The following TMEM272 variants were observed in gnomAD, a reference collection of about 807,000 sequenced individuals.
The protein encoded by TMEM272 is long intergenic non-protein coding RNA 282.
In TMEM272, 8 loss-of-function variants were observed where a neutral mutation model predicts 3.7. The observed-to-expected ratio is 2.17, with a 90% CI of 1.27 to 3.91. The LOEUF (loss-of-function observed/expected upper bound fraction) is 3.91, where lower values mean the gene tolerates loss of function less well. Among genes scored for constraint, TMEM272 ranks in the 30% most tolerant of loss-of-function variants. The pLI is 0.00. For missense variants in TMEM272, 166 were observed against 91.5 expected (o/e 1.81, Z -3.32); for synonymous variants, 63 against 39.8 (o/e 1.58, Z -2.20).
intron 4 of TMEM272, among the ~76,000 whole-genome samples, chr13:51,819,381 G>GA: frequency 6.6e-6 from 1 of 152,304 alleles, no homozygotes; most frequent in Non-Finnish European, 1.5e-5. Context: ...CCATCACTCA[G>GA]ATGCATTTCC....
At chr13:51,875,218 C>G in the TMEM272 span, among the ~76,000 whole-genome samples, 1 of 152,282 alleles carries the variant, frequency 6.6e-6, no homozygotes, top group African/African-American at 2.4e-5. Context: ...CTAGTATTAG[C>G]TTTGGTTACA....
the TMEM272 span, among the ~76,000 whole-genome samples, chr13:51,863,708 C>CACACA: frequency 0.17 from 23,452 of 141,026 alleles, 1,953 homozygotes; most frequent in East Asian, 0.27. Context: ...CACACACACA[C>CACACA]ACCAGCTATG....
At chr13:51,839,904 G>A (rs1309134048) in intron 1 of TMEM272, among the ~76,000 whole-genome samples, 1 of 152,168 alleles carries the variant, frequency 6.6e-6, no homozygotes, top group Non-Finnish European at 1.5e-5. Flanking sequence ...TGTCCTTCTA[G>A]GACATGTCAT....
chr13:51,923,812 C>T, the TMEM272 span, among the ~76,000 whole-genome samples: 7 of 152,194 alleles, frequency 4.6e-5, no homozygotes, highest in Non-Finnish European at 1.0e-4. Flanking sequence ...CCCTCAGCCA[C>T]CCCTGCAGAG....
the TMEM272 span, among the ~76,000 whole-genome samples, chr13:51,852,857 G>A: frequency 1.3e-5 from 2 of 150,016 alleles, no homozygotes; most frequent in Non-Finnish European, 3.0e-5. Context: ...ACTCCAGTCT[G>A]GGTAAAAAGA....
chr13:51,921,790 G>C, the TMEM272 span, among the ~76,000 whole-genome samples: 1 of 152,178 alleles, frequency 6.6e-6, no homozygotes, highest in Non-Finnish European at 1.5e-5. Context: ...TGTGCCCCCT[G>C]CTCTCCCCTC....
At chr13:51,830,090 C>T (rs1216369680) in intron 2 of TMEM272, among the ~76,000 whole-genome samples, 1 of 152,244 alleles carries the variant, frequency 6.6e-6, no homozygotes, top group Admixed American at 6.5e-5. Context: ...AATTACCTCT[C>T]TTTGTTCAGC....
chr13:51,910,517 A>G, the TMEM272 span: 22 of 735,970 alleles, frequency 3.0e-5, no homozygotes, highest in East Asian at 5.7e-4. Context: ...AACCATAAGG[A>G]TTCGAATTTG....
At position 51,838,477 on chromosome 13, in the gene TMEM272, G is replaced by T. The variant is rs1956234330; in HGVS notation, c.54C>A (p.Ser18Arg). Residue 18 changes from serine (S) to arginine (R), a missense_variant, in exon 2 of 5, where the codon AGC becomes AGA. Transcript: ENST00000629372. ...TTTCTCAGAGTTGTGACTCACCATT[G>T]CTGGCGATTTTAGAAATGCACTGAT... ...TCHQCISKIA[S>R]NACFVVVLCA... 1.4e-6 allele frequency: 1 copy of T among 702,906 alleles called. No homozygotes were observed. The highest frequency in any genetic ancestry group is 1.7e-5 in the African/African-American group (1 of 57,258). 43.5% of individuals were successfully genotyped at this position (702,906 alleles called of 1,614,324 possible). A position where few individuals can be genotyped will look rare whatever the true frequency, so the allele number is the denominator to read the frequency against.
chr13:51,835,057 C>T (rs969674709), intron 2 of TMEM272, among the ~76,000 whole-genome samples: 6 of 152,074 alleles, frequency 3.9e-5, no homozygotes, highest in Admixed American at 1.3e-4. Context: ...TCTGAGAGCA[C>T]GGAGACCACC....
the TMEM272 span, chr13:51,865,878 A>C: frequency 6.2e-7 from 1 of 1,613,600 alleles, no homozygotes; most frequent in Non-Finnish European, 8.5e-7. Flanking sequence ...TGGGTAGAGG[A>C]AAGAGCCCTC....
At chr13:51,883,663 A>G in the TMEM272 span, among the ~76,000 whole-genome samples, 3 of 152,220 alleles carry the variant, frequency 2.0e-5, no homozygotes, top group South Asian at 2.1e-4. Context: ...TGTGGACTCT[A>G]TCTGGGCCCG....
At chr13:51,826,452 T>C in intron 3 of TMEM272, 114 bp downstream of exon 3, 1 of 649,754 alleles carries the variant, frequency 1.5e-6, no homozygotes, top group Non-Finnish European at 2.8e-6. Flanking sequence ...CTGGGAATCA[T>C]CGGGCTGGCC....
the TMEM272 span, among the ~76,000 whole-genome samples, chr13:51,930,748 G>C: frequency 4.8e-5 from 7 of 144,640 alleles, no homozygotes; most frequent in Non-Finnish European, 1.1e-4. Flanking sequence ...TAATTTTTTA[G>C]AGCAAAAAAA....
the TMEM272 span, among the ~76,000 whole-genome samples, chr13:51,901,488 C>A: frequency 7.3e-6 from 1 of 137,184 alleles, no homozygotes; most frequent in Non-Finnish European, 1.5e-5. Context: ...GGAACAGGTA[C>A]TTCTGGAAAT....
the TMEM272 span, among the ~76,000 whole-genome samples, chr13:51,890,351 T>C: frequency 1.3e-5 from 2 of 152,108 alleles, no homozygotes; most frequent in African/African-American, 4.8e-5. Flanking sequence ...ACTTGCTCTG[T>C]TAGTTTCCAC....
the TMEM272 span, among the ~76,000 whole-genome samples, chr13:51,870,963 G>A: frequency 6.6e-6 from 1 of 152,146 alleles, no homozygotes; most frequent in Non-Finnish European, 1.5e-5. Flanking sequence ...TGCAGAAGAT[G>A]GTGGTATCTC....
the TMEM272 span, among the ~76,000 whole-genome samples, chr13:51,868,939 G>A: frequency 6.6e-6 from 1 of 152,182 alleles, no homozygotes; most frequent in Non-Finnish European, 1.5e-5. Flanking sequence ...CCACCCAGAA[G>A]TGCTTACCCA....
rs972003106 is a variant in TMEM272, at chr13:51,814,804, C to T, written c.*1947G>A. ...CCTACCAGAAACTGGGAATGTCCAACGTTTGAGACCTAGCTACTGATGTAT... is the reference window on the plus strand; with the variant it reads ...CCTACCAGAAACTGGGAATGTCCAATGTTTGAGACCTAGCTACTGATGTAT... On this transcript the variant is annotated 3_prime_UTR_variant, in exon 5 of 5. Transcript: ENST00000629372. 1.3e-5 allele frequency: 2 copies of T among 152,298 alleles called. No individual in the cohort carries two copies. Among genetic ancestry groups the T allele is most frequent in the East Asian group, 1.9e-4 (1 of 5,200 alleles). 9.4% of individuals were successfully genotyped at this position (152,298 alleles called of 1,614,324 possible).
Sources: gnomAD v4.1 joint callset for allele counts (sites outside exome capture counted in the v4.1 genomes callset) on GRCh38, gnomAD v4.1.1 for gene constraint, MANE v1.5 for transcripts, NCBI Gene and HGNC (gene_info 2026-07-23, HGNC 2026-07-21) for gene names.